The following SEC61A2 variants were observed in gnomAD, a reference collection of about 807,000 sequenced individuals.
The protein encoded by SEC61A2 is protein transport protein Sec61 subunit alpha isoform 2.
SEC61A2 carries 28 observed loss-of-function variants against 59.9 expected under a neutral mutation model. The ratio of observed to expected loss-of-function variants is 0.47; its 90% CI spans 0.35 to 0.64. SEC61A2 has a LOEUF of 0.64. Among genes scored for constraint, SEC61A2 ranks in the 30% least tolerant of loss-of-function variants. The pLI is 0.01. For missense variants in SEC61A2, 340 were observed against 585.9 expected, an observed-to-expected ratio of 0.58 and a Z score of 4.33; for synonymous variants, 202 against 214.4, an observed-to-expected ratio of 0.94 and a Z score of 0.50.
intron 8 of SEC61A2, among the ~76,000 whole-genome samples, chr10:12,157,571 C>T (rs566818382): frequency 4.1e-4 from 62 of 150,692 alleles, no homozygotes; most frequent in Admixed American, 2.4e-3. Flanking sequence ...GGCGCAATCC[C>T]GGCTAACTGC....
chr10:12,148,187 C>G (rs1254630240), intron 4 of SEC61A2, among the ~76,000 whole-genome samples: 3 of 151,832 alleles, frequency 2.0e-5, no homozygotes, highest in African/African-American at 7.3e-5. Context: ...GATCCTCCCA[C>G]CTCGTCCTCC....
Position 12,164,264 on chromosome 10 carries a change from C to G in SEC61A2, c.1245-4C>G. ...GCCGCCTAACTTGGGGTTCTGTCTC[C>G]TAGGTACATCCCCACCGCAGCTGCG... On this transcript the variant is annotated splice_polypyrimidine_tract_variant and splice_region_variant and intron_variant, in intron 11 of 11. Coordinates refer to ENST00000298428, the MANE Select transcript of SEC61A2 (RefSeq NM_018144.4). The surrounding 1 kb of genome is among the most constrained non-coding windows in gnomAD (Gnocchi z 7.3). 6.2e-7 allele frequency: 1 copy of G among 1,612,576 alleles called. No individual in the cohort carries two copies. Among genetic ancestry groups the G allele is most frequent in the South Asian group, 1.1e-5 (1 of 90,990 alleles).
At chr10:12,141,150 T>C (rs1441329659) in intron 3 of SEC61A2, among the ~76,000 whole-genome samples, 1 of 152,204 alleles carries the variant, frequency 6.6e-6, no homozygotes, top group Non-Finnish European at 1.5e-5. Context: ...TGTGCCCACG[T>C]TGGACTCCCA....
At chr10:12,135,902 C>T (rs1010917507) in intron 2 of SEC61A2, among the ~76,000 whole-genome samples, 7 of 152,016 alleles carry the variant, frequency 4.6e-5, no homozygotes, top group African/African-American at 1.4e-4. Context: ...TATATGTGTG[C>T]GTGTGTGTAT....
Position 12,149,253 on chromosome 10 carries a change from C to G in SEC61A2, c.221-342C>G, listed in dbSNP as rs908250330. 6.6e-6 allele frequency among the ~76,000 whole-genome samples: 1 copy of G among 152,058 alleles called. No homozygotes were observed. Among genetic ancestry groups the G allele is most frequent in the East Asian group, 1.9e-4 (1 of 5,180 alleles). The stretch of plus-strand genomic sequence containing the variant: ...TACAGGTGCCCGCCACCACACCTGG[C>G]TAATTTTTGCATTTTTAGTAGAGAC... On this transcript the variant is annotated intron_variant, in intron 4 of 11. Coordinates refer to ENST00000298428, the MANE Select transcript of SEC61A2 (RefSeq NM_018144.4). This position sits in a 1 kb window ranked among gnomAD's most constrained non-coding sequence, Gnocchi z 5.2.
chr10:12,143,125 G>A lies in SEC61A2; in HGVS notation c.150G>A (p.Leu50=), dbSNP rs775856309. ...FIFLVCCQIP[L]FGIMSSDSAD... ...TTTGTGTACTATTTTAGATCCCACT[G>A]TTTGGAATCATGTCATCAGATTCTG... is the stretch of plus-strand genomic sequence containing the variant. Residue 50 remains leucine (L), a synonymous_variant, in exon 4 of 12, where the codon CTG becomes CTA. Coordinates refer to ENST00000298428, the MANE Select transcript of SEC61A2 (RefSeq NM_018144.4). The surrounding 1 kb of genome is among the most constrained non-coding windows in gnomAD (Gnocchi z 4.8). The A allele has an allele frequency of 3.1e-6, 5 of 1,609,926 alleles. No individual in the cohort carries two copies. Among genetic ancestry groups the A allele is most frequent in the Middle Eastern group, 1.6e-4 (1 of 6,078 alleles).
At chr10:12,151,567 C>T (rs1267791773) in intron 6 of SEC61A2, among the ~76,000 whole-genome samples, 1 of 152,108 alleles carries the variant, frequency 6.6e-6, no homozygotes, top group Non-Finnish European at 1.5e-5. Context: ...GCCTCGGCCT[C>T]CCAAAGTGCT....
rs116769745 is a variant in SEC61A2, at chr10:12,162,589, C to G, written c.1244+300C>G. ...GCTTTTAAAAAGGATTTCCCAGGAA[C>G]TGTGGCTTATTTGGTCTGGGGTGAG... is the stretch of plus-strand genomic sequence containing the variant. On this transcript the variant is annotated intron_variant, in intron 11 of 11. Transcript: ENST00000298428. This position sits in a 1 kb window ranked among gnomAD's most constrained non-coding sequence, Gnocchi z 6.1. 1.0e-3 allele frequency: 506 copies of G among 484,298 alleles called. 2 individuals are homozygous for G. The highest frequency in any genetic ancestry group is 9.2e-3 in the African/African-American group (475 of 51,754). The allele number at this position is 484,298 out of a possible 1,614,324, so 30.0% of individuals were successfully genotyped here.
intron 6 of SEC61A2, 151 bp downstream of exon 6, chr10:12,150,112 A>C: frequency 1.7e-6 from 1 of 597,652 alleles, no homozygotes; most frequent in Non-Finnish European, 2.8e-6. Context: ...ATACGTGTAA[A>C]ATTTTTTTAA....
chr10:12,150,028 G>A (rs2131668214), intron 6 of SEC61A2, 67 bp downstream of exon 6: 1 of 1,008,660 alleles, frequency 9.9e-7, no homozygotes, highest in African/African-American at 1.6e-5. Flanking sequence ...TTTTCTAACA[G>A]TTCTTTAGGT....
chr10:12,130,764 A>C (rs892295810), intron 1 of SEC61A2: 1 of 154,272 alleles, frequency 6.5e-6, no homozygotes, highest in East Asian at 1.9e-4. Context: ...AGGTTGCTGC[A>C]AAAGTAATTG....
intron 4 of SEC61A2, among the ~76,000 whole-genome samples, chr10:12,148,130 G>A (rs556157379): frequency 4.4e-4 from 67 of 151,588 alleles, no homozygotes; most frequent in African/African-American, 1.6e-3. Context: ...TAGTAGAGAC[G>A]GGGTTTCACC....
At chr10:12,141,299 T>G (rs1381655455) in intron 3 of SEC61A2, among the ~76,000 whole-genome samples, 4 of 152,176 alleles carry the variant, frequency 2.6e-5, no homozygotes, top group Non-Finnish European at 5.9e-5. Flanking sequence ...GCTGATAAAT[T>G]CAGACTTTCA....
intron 4 of SEC61A2, among the ~76,000 whole-genome samples, chr10:12,146,751 C>T (rs937599247): frequency 6.6e-6 from 1 of 152,074 alleles, no homozygotes; most frequent in Non-Finnish European, 1.5e-5. Context: ...ATCTCCTGAC[C>T]TTGTGATCCG....
chr10:12,151,936 A>G (rs1017835596), intron 6 of SEC61A2, among the ~76,000 whole-genome samples: 29 of 152,220 alleles, frequency 1.9e-4, no homozygotes, highest in Admixed American at 9.2e-4. Flanking sequence ...TTTTTAAATT[A>G]GAAATGTTAT....
At position 12,164,688 on chromosome 10, in the gene SEC61A2, T is replaced by C. The variant is rs978233440; in HGVS notation, c.*234T>C. 6 of 1,303,184 alleles carry C rather than the reference T, an allele frequency of 4.6e-6. No homozygotes were observed. The African/African-American group carries it at 7.7e-5, about 17-fold the overall frequency. The allele number at this position is 1,303,184 out of a possible 1,614,324, so 80.7% of individuals were successfully genotyped here. On this transcript the variant is annotated 3_prime_UTR_variant, in exon 12 of 12. Transcript: ENST00000298428. This position sits in a 1 kb window ranked among gnomAD's most constrained non-coding sequence, Gnocchi z 7.3. The stretch of plus-strand genomic sequence containing the variant: ...AAAAAAGTACATCTAGTGTTGCCTG[T>C]AATGCTGGAAACCAGTGTATCTACC...
At chr10:12,163,758 CCA>C (rs758324497) in intron 11 of SEC61A2, among the ~76,000 whole-genome samples, 1 of 152,124 alleles carries the variant, frequency 6.6e-6, no homozygotes, top group Non-Finnish European at 1.5e-5. Context: ...ATCTCCAGCT[CCA>C]GTTGTCACCA....
At chr10:12,136,253 A>G (rs999507498) in intron 3 of SEC61A2, 83 bp downstream of exon 3, 3 of 847,498 alleles carry the variant, frequency 3.5e-6, no homozygotes, top group African/African-American at 3.4e-5. Context: ...TTTTTTTGTT[A>G]AAATAAAGAA....
Position 12,158,353 on chromosome 10 carries a change from C to G in SEC61A2, c.975+248C>G. 2.2e-6 allele frequency: 1 copy of G among 444,784 alleles called. No homozygotes were observed. The highest frequency in any genetic ancestry group is 4.0e-6 in the Non-Finnish European group (1 of 250,284). 27.6% of individuals were successfully genotyped at this position (444,784 alleles called of 1,614,324 possible). The stretch of plus-strand genomic sequence containing the variant: ...CATCTCATTTGAATGACCTTTTAAG[C>G]TAAAATTGTGGTTGATTTCATAAAA... On this transcript the variant is annotated intron_variant, in intron 9 of 11. Coordinates refer to ENST00000298428, the MANE Select transcript of SEC61A2 (RefSeq NM_018144.4). The surrounding 1 kb of genome is among the most constrained non-coding windows in gnomAD (Gnocchi z 5.7).
Sources: gnomAD v4.1 joint callset for allele counts (sites outside exome capture counted in the v4.1 genomes callset) on GRCh38, gnomAD v4.1.1 for gene constraint, Gnocchi (gnomAD v3.1) non-coding constraint, MANE v1.5 for transcripts, NCBI Gene and HGNC (gene_info 2026-07-23, HGNC 2026-07-21) for gene names.